MFN2: variants seen among roughly 807,000 people sequenced by gnomAD.
MFN2 encodes mitofusin 2.
A neutral mutation model predicts 87.5 loss-of-function variants in MFN2; 43 were observed. The observed-to-expected ratio is 0.49, with a 90% CI of 0.38 to 0.63. The LOEUF is 0.63. MFN2 is among the 30% of genes least tolerant of loss of function. The pLI is 0.00. For missense variants in MFN2, 743 were observed against 972.8 expected, an observed-to-expected ratio of 0.76 and a Z score of 3.14; for synonymous variants, 337 against 359.9, an observed-to-expected ratio of 0.94 and a Z score of 0.72.
Position 11,989,297 on chromosome 1 carries a change from T to G in MFN2, c.129T>G (p.Phe43Leu). Residue 43 changes from phenylalanine to leucine, a missense_variant, in exon 3 of 19, where the codon TTT becomes TTG. Phe to Leu is a conservative substitution (Grantham distance 22). Coordinates refer to ENST00000235329, the MANE Select transcript of MFN2 (RefSeq NM_014874.4). ...VTAKKKINGI[F>L]EQLGAYIQES... ...CCAAGAAGAAGATCAATGGCATTTT[T>G]GAGCAGCTGGGGGCCTACATCCAGG... The G allele has an allele frequency of 6.2e-7, 1 of 1,614,126 alleles. No homozygotes were observed. The highest frequency in any genetic ancestry group is 8.5e-7 in the Non-Finnish European group (1 of 1,180,026).
rs1569853844 is a variant in MFN2 at position 12,001,973 on chromosome 1, G to A, written c.1039-9G>A. ...CCCCCACCTCCCTCCGTGCCTCTGTGTGTTCCAGGAGTGCATCTCCCAGTC... is the reference window on the plus strand; with the variant it reads ...CCCCCACCTCCCTCCGTGCCTCTGTATGTTCCAGGAGTGCATCTCCCAGTC... On this transcript the variant is annotated splice_polypyrimidine_tract_variant and intron_variant, in intron 10 of 18. Transcript: ENST00000235329. 1 of 1,614,036 alleles carries A rather than the reference G, an allele frequency of 6.2e-7. No homozygotes were observed.
In MFN2 at chr1:12,003,664, CA is replaced by C. The variant is rs60299433; in HGVS notation, c.1161-312del. 0.026 allele frequency among the ~76,000 whole-genome samples: 3,283 copies of C among 127,036 alleles called. 39 individuals carry two copies. The highest frequency in any genetic ancestry group is 0.046 in the African/African-American group (1,633 of 35,424). 83.3% of individuals were successfully genotyped at this position (127,036 alleles called of 152,430 possible). A position where few individuals can be genotyped will look rare whatever the true frequency, so the allele number is the denominator to read the frequency against. ...GGGCAACAAGAGTGAAACTCCATCT[CA>C]AAAAAAAAAAAAAAATCATTTCTGT... is the stretch of plus-strand genomic sequence containing the variant. On this transcript the variant is annotated intron_variant, in intron 11 of 18. Transcript: ENST00000235329. This position sits in a 1 kb window ranked among gnomAD's most constrained non-coding sequence, Gnocchi z 4.1.
In MFN2 at chr1:12,003,645, C is replaced by T. The variant is rs1182711678; in HGVS notation, c.1161-347C>T. Among the ~76,000 whole-genome samples the T allele has an allele frequency of 6.9e-6, 1 of 144,214 alleles. No homozygotes were observed. Among genetic ancestry groups the T allele is most frequent in the African/African-American group, 2.6e-5 (1 of 38,474 alleles). 94.6% of individuals were successfully genotyped at this position (144,214 alleles called of 152,430 possible). Reference sequence around the variant, plus strand: ...TGCCATTGCACTCCAGCCTGGGCAACAAGAGTGAAACTCCATCTCAAAAAA... The same window carrying T: ...TGCCATTGCACTCCAGCCTGGGCAATAAGAGTGAAACTCCATCTCAAAAAA... On this transcript the variant is annotated intron_variant, in intron 11 of 18. Transcript: ENST00000235329. This position sits in a 1 kb window ranked among gnomAD's most constrained non-coding sequence, Gnocchi z 4.1.
At chr1:12,006,737 G>A in intron 16 of MFN2, 44 bp downstream of exon 16, 1 of 1,610,426 alleles carries the variant, frequency 6.2e-7, no homozygotes, top group Non-Finnish European at 8.5e-7. Context: ...CGGAGGGCAG[G>A]TGGGCGGGGC....
Position 11,987,805 on chromosome 1 carries a change from G to A in MFN2, c.-4-1360G>A, listed in dbSNP as rs956470039. 4.6e-5 allele frequency among the ~76,000 whole-genome samples: 7 copies of A among 152,138 alleles called. 1 individual carries two copies. In the South Asian group the frequency reaches 8.3e-4, roughly 18 times the overall value. On this transcript the variant is annotated intron_variant, in intron 2 of 18. Transcript: ENST00000235329. ...TCTACAAAAAATTTTAAAAAAATTA[G>A]TGGGGCGTGGTGGTGCATGCCTGTG...
Position 12,002,045 on chromosome 1 carries a change from A to G in MFN2, c.1102A>G (p.Ile368Val). 1.2e-6 allele frequency: 2 copies of G among 1,614,224 alleles called. No homozygotes were observed. Among genetic ancestry groups the G allele is most frequent in the Non-Finnish European group, 1.7e-6 (2 of 1,180,040 alleles). ...FEQHTVRAKQ[I>V]AEAVRLIMDS... is the part of the protein sequence containing the mutation. ...GCAGCACACGGTCCGGGCCAAGCAG[A>G]TTGCAGAGGCGGTTCGACTCATCAT... Residue 368 changes from isoleucine to valine, a missense_variant, in exon 11 of 19, where the codon ATT (isoleucine) becomes GTT (valine). This residue lies in a region of MFN2 where 571 missense variants were observed against 670.7 expected (regional missense o/e 0.85). Coordinates refer to ENST00000235329, the MANE Select transcript of MFN2 (RefSeq NM_014874.4).
In MFN2 at chr1:12,011,539, C is replaced by T; in HGVS notation, c.2248C>T (p.His750Tyr). Residue 750 changes from histidine (H) to tyrosine (Y), a missense_variant, in exon 19 of 19, where the codon CAC becomes TAC. His to Tyr is a moderately conservative substitution (Grantham distance 83). This residue lies in a region of MFN2 where 571 missense variants were observed against 670.7 expected (regional missense o/e 0.85). Coordinates refer to ENST00000235329, the MANE Select transcript of MFN2 (RefSeq NM_014874.4). The part of the protein sequence containing the change: ...WLDSELNMFT[H>Y]QYLQPSR ...GGACAGTGAGCTCAACATGTTCACA[C>T]ACCAGTACCTGCAGCCCAGCAGATA... The T allele has an allele frequency of 6.2e-7, 1 of 1,614,174 alleles. No individual in the cohort carries two copies. The highest frequency in any genetic ancestry group is 8.5e-7 in the Non-Finnish European group (1 of 1,180,040).
At chr1:12,011,404 G>A (rs1428492881) in intron 18 of MFN2, 92 bp from the exon 19 acceptor site, 13 of 1,242,280 alleles carry the variant, frequency 1.0e-5, no homozygotes, top group Middle Eastern at 1.9e-4. Flanking sequence ...GTAAGGGTGT[G>A]TGTCAAGCGT....
In MFN2 at chr1:12,005,876, A is replaced by G. The variant is rs1323126060; in HGVS notation, c.1661A>G (p.Asn554Ser). The G allele has an allele frequency of 6.2e-7, 1 of 1,614,168 alleles. No individual in the cohort carries two copies. Among genetic ancestry groups the G allele is most frequent in the Admixed American group, 1.7e-5 (1 of 60,018 alleles). ...HFSLGWTMLV[N>S]RFLGPKNSRR... ...TCTCTCGGATGGACCATGCTGGTGAATAGGTTCCTGGGCCCCAAGAACAGC... is the reference window on the plus strand; with the variant it reads ...TCTCTCGGATGGACCATGCTGGTGAGTAGGTTCCTGGGCCCCAAGAACAGC... The change falls in exon 15 of 19, where the codon AAT becomes AGT. Residue 554 changes from asparagine (N) to serine (S), a missense_variant. By Grantham distance (46) the Asn-to-Ser change is conservative. Around this residue, in one of 3 missense-constraint regions of MFN2, gnomAD observed 571 missense variants for 670.7 expected, o/e 0.85. Transcript: ENST00000235329.
At position 12,002,120 on chromosome 1, in the gene MFN2, G is replaced by A. The variant is rs1338253734; in HGVS notation, c.1160+17G>A. 6.2e-7 allele frequency: 1 copy of A among 1,614,036 alleles called. No individual in the cohort carries two copies. Among genetic ancestry groups the A allele is most frequent in the African/African-American group, 1.3e-5 (1 of 74,944 alleles). ...GGAGCAGCAGTAAGAGTCCAAGACT[G>A]CAGATAGGTGGAGAGAGCTGCCGAG... On this transcript the variant is annotated intron_variant, in intron 11 of 18. Coordinates refer to ENST00000235329, the MANE Select transcript of MFN2 (RefSeq NM_014874.4).
intron 3 of MFN2, among the ~76,000 whole-genome samples, chr1:11,989,722 G>C (rs1638592444): frequency 6.6e-6 from 1 of 152,198 alleles, no homozygotes; most frequent in Non-Finnish European, 1.5e-5. Context: ...CCTTTGCCTA[G>C]TTCTGGCTGC....
chr1:11,991,396 A>G (rs1033105794), intron 3 of MFN2, among the ~76,000 whole-genome samples: 1 of 152,152 alleles, frequency 6.6e-6, no homozygotes, highest in Non-Finnish European at 1.5e-5. Context: ...GTGGTCAGAG[A>G]AGGCTTCCTG....
At chr1:11,997,452 A>G in intron 6 of MFN2, 31 bp downstream of exon 6, 1 of 1,613,176 alleles carries the variant, frequency 6.2e-7, no homozygotes, top group East Asian at 2.2e-5. Context: ...TAGGAGGTCC[A>G]AACTGGAAGG....
chr1:11,987,912 C>T (rs1373960478), intron 2 of MFN2, among the ~76,000 whole-genome samples: 1 of 152,168 alleles, frequency 6.6e-6, no homozygotes, highest in Non-Finnish European at 1.5e-5. Flanking sequence ...GATTGCGCCA[C>T]TGCACTCCAG....
At position 12,002,137 on chromosome 1, in the gene MFN2, G is replaced by C. The variant is rs1390720902; in HGVS notation, c.1160+34G>C. 3.1e-6 allele frequency: 5 copies of C among 1,612,994 alleles called. No homozygotes were observed. In the Admixed American group the frequency reaches 8.3e-5, roughly 27 times the overall value. On this transcript the variant is annotated intron_variant, in intron 11 of 18. Transcript: ENST00000235329. ...CCAAGACTGCAGATAGGTGGAGAGA[G>C]CTGCCGAGACAAGGGTGCTCCACCC...
chr1:12,003,979 ACTC>A lies in MFN2; in HGVS notation c.1161-12_1161-10del. 6.2e-7 allele frequency: 1 copy of A among 1,614,130 alleles called. No homozygotes were observed. Among genetic ancestry groups the A allele is most frequent in the Non-Finnish European group, 8.5e-7 (1 of 1,180,008 alleles). ...ACAGGAACATGGATTTCTCACCAGT[ACTC>A]TGCTTTCAGGGTTTACTGCGAGGAA... is the stretch of plus-strand genomic sequence containing the variant. On this transcript the variant is annotated splice_polypyrimidine_tract_variant and intron_variant, in intron 11 of 18. Transcript: ENST00000235329. The surrounding 1 kb of genome is among the most constrained non-coding windows in gnomAD (Gnocchi z 4.1).
At chr1:11,996,982 G>A (rs1292330262) in intron 5 of MFN2, among the ~76,000 whole-genome samples, 1 of 149,524 alleles carries the variant, frequency 6.7e-6, no homozygotes, top group Non-Finnish European at 1.5e-5. Context: ...AGGTTGTGGT[G>A]AGCTGAGATC....
chr1:11,998,978 C>T lies in MFN2; in HGVS notation c.709-10C>T. The T allele has an allele frequency of 6.2e-7, 1 of 1,614,122 alleles. No individual in the cohort carries two copies. Among genetic ancestry groups the T allele is most frequent in the Non-Finnish European group, 8.5e-7 (1 of 1,179,964 alleles). ...GCTCCTGCTCCACCGAGGTCTTACC[C>T]TTTATCTAGGAAAAGCACTTCTTCC... On this transcript the variant is annotated splice_polypyrimidine_tract_variant and intron_variant, in intron 7 of 18. Coordinates refer to ENST00000235329, the MANE Select transcript of MFN2 (RefSeq NM_014874.4).
chr1:12,003,998 C>T lies in MFN2; in HGVS notation c.1167C>T (p.Tyr389=). 6.2e-7 allele frequency: 1 copy of T among 1,614,232 alleles called. No individual in the cohort carries two copies. The highest frequency in any genetic ancestry group is 8.5e-7 in the Non-Finnish European group (1 of 1,180,038). Residue 389 remains tyrosine (Y), a synonymous_variant, in exon 12 of 19, where the codon TAC becomes TAT. Coordinates refer to ENST00000235329, the MANE Select transcript of MFN2 (RefSeq NM_014874.4). This position sits in a 1 kb window ranked among gnomAD's most constrained non-coding sequence, Gnocchi z 4.1. ...ACCAGTACTCTGCTTTCAGGGTTTA[C>T]TGCGAGGAAATGCGTGAAGAGCGGC... is the stretch of plus-strand genomic sequence containing the variant. The part of the protein sequence containing the change: ...LHMAAREQQV[Y]CEEMREERQD...
Sources: gnomAD v4.1 joint callset for allele counts (sites outside exome capture counted in the v4.1 genomes callset) on GRCh38, gnomAD v4.1.1 for gene constraint, gnomAD v4.1.1 regional missense constraint, Gnocchi (gnomAD v3.1) non-coding constraint, MANE v1.5 for transcripts, NCBI Gene and HGNC (gene_info 2026-07-23, HGNC 2026-07-21) for gene names.